KCNH8: variants seen among roughly 807,000 people sequenced by gnomAD.
The protein encoded by KCNH8 is voltage-gated delayed rectifier potassium channel KCNH8.
Under a neutral mutation model 103.6 loss-of-function variants are expected in KCNH8, and 70 were observed. The observed-to-expected ratio is 0.68, with a 90% CI of 0.56 to 0.82. The LOEUF (loss-of-function observed/expected upper bound fraction) is 0.82, where lower values mean the gene tolerates loss of function less well. Among genes scored for constraint, KCNH8 ranks in the 40% least tolerant of loss-of-function variants. The pLI is 0.00. For synonymous variants in KCNH8, 498 were observed against 489.4 expected (o/e 1.02, Z -0.23); for missense variants, 1,217 against 1,329.9 (o/e 0.92, Z 1.32).
chr3:19,286,411 A>G (rs1575496208), intron 3 of KCNH8, among the ~76,000 whole-genome samples: 2 of 152,348 alleles, frequency 1.3e-5, no homozygotes, highest in East Asian at 3.9e-4. Flanking sequence ...ACTGCTGACC[A>G]TGGGAACAGA....
At chr3:19,339,087 C>T (rs1047865232) in intron 3 of KCNH8, among the ~76,000 whole-genome samples, 1 of 152,230 alleles carries the variant, frequency 6.6e-6, no homozygotes, top group South Asian at 2.1e-4. Context: ...CCCAATCTTG[C>T]ATGAGGGTTC....
intron 7 of KCNH8, among the ~76,000 whole-genome samples, chr3:19,416,966 G>A (rs937525037): frequency 2.0e-5 from 3 of 151,878 alleles, no homozygotes; most frequent in Non-Finnish European, 4.4e-5. Flanking sequence ...GTGTTTGTAG[G>A]ATTTAAGAGT....
At chr3:19,479,254 T>G (rs2068039103) in intron 11 of KCNH8, among the ~76,000 whole-genome samples, 1 of 152,176 alleles carries the variant, frequency 6.6e-6, no homozygotes, top group African/African-American at 2.4e-5. Context: ...AGAGCTCAAT[T>G]ACTTAACTTG....
chr3:19,338,698 A>C (rs1429761094), intron 3 of KCNH8, among the ~76,000 whole-genome samples: 2 of 152,074 alleles, frequency 1.3e-5, no homozygotes, highest in African/African-American at 4.8e-5. Context: ...ACATTTCTCT[A>C]AACAATATAT....
chr3:19,288,401 C>A (rs1656057164), intron 3 of KCNH8, among the ~76,000 whole-genome samples: 1 of 151,140 alleles, frequency 6.6e-6, no homozygotes, highest in African/African-American at 2.4e-5. Flanking sequence ...CCACAACAGG[C>A]CCCAGTGTGT....
At chr3:19,512,413 C>G (rs1209632932) in intron 12 of KCNH8, among the ~76,000 whole-genome samples, 1 of 152,102 alleles carries the variant, frequency 6.6e-6, no homozygotes, top group African/African-American at 2.4e-5. Flanking sequence ...CTGGAAAGAA[C>G]AAGGAGAGCA....
At chr3:19,195,863 T>C (rs1386908230) in intron 1 of KCNH8, among the ~76,000 whole-genome samples, 1 of 151,986 alleles carries the variant, frequency 6.6e-6, no homozygotes, top group East Asian at 1.9e-4. Context: ...AGTCTTGTAA[T>C]TGGATTTTCC....
Position 19,221,544 on chromosome 3 carries a change from A to T in KCNH8, c.77-32110A>T, listed in dbSNP as rs116442539. Among the ~76,000 whole-genome samples the T allele has an allele frequency of 5.7e-3, 866 of 151,894 alleles. 6 individuals are homozygous for T. Among genetic ancestry groups the T allele is most frequent in the African/African-American group, 0.02 (820 of 41,464 alleles). ...TTTTTCTCATCTTAAATGAATGTTC[A>T]TCTTCACTCCTAATTTATTTGTTTT... On this transcript the variant is annotated intron_variant, in intron 1 of 15. Transcript: ENST00000328405.
intron 5 of KCNH8, among the ~76,000 whole-genome samples, chr3:19,354,521 A>G (rs1414623677): frequency 1.3e-5 from 2 of 152,188 alleles, no homozygotes; most frequent in African/African-American, 4.8e-5. Context: ...TGGTACTGGT[A>G]CCAAAACAGA....
rs376155986 is a variant in KCNH8 at position 19,355,857 on chromosome 3, A to G, written c.811+7892A>G. On this transcript the variant is annotated intron_variant, in intron 5 of 15. Coordinates refer to ENST00000328405, the MANE Select transcript of KCNH8 (RefSeq NM_144633.3). The stretch of plus-strand genomic sequence containing the variant: ...TGTAACAAACCTGCACATTATGCAC[A>G]TGTACCCTAGAACTTAAAGTATAAT... Among the ~76,000 whole-genome samples, 21 of 151,658 alleles carry G rather than the reference A, an allele frequency of 1.4e-4. No homozygotes were observed. In the South Asian group the frequency reaches 1.7e-3, roughly 12 times the overall value.
At chr3:19,167,240 A>T (rs1051497265) in intron 1 of KCNH8, among the ~76,000 whole-genome samples, 2 of 152,226 alleles carry the variant, frequency 1.3e-5, no homozygotes, top group African/African-American at 4.8e-5. Flanking sequence ...AAGTTGTATC[A>T]TATTGTTACC....
chr3:19,448,836 C>A, intron 8 of KCNH8: 2 of 398,992 alleles, frequency 5.0e-6, no homozygotes, highest in Non-Finnish European at 9.5e-6. Context: ...CTAATCCTGT[C>A]CCAGAATAAG....
chr3:19,278,717 G>T (rs1394459350), intron 2 of KCNH8, among the ~76,000 whole-genome samples: 3 of 152,128 alleles, frequency 2.0e-5, no homozygotes, highest in Non-Finnish European at 4.4e-5. Context: ...AAGATCCAAA[G>T]TAATGAAGTT....
intron 2 of KCNH8, among the ~76,000 whole-genome samples, chr3:19,276,001 C>G (rs2064665178): frequency 6.6e-6 from 1 of 151,996 alleles, no homozygotes; most frequent in Non-Finnish European, 1.5e-5. Context: ...AAAACAGTAG[C>G]AAATATAATA....
In KCNH8 at chr3:19,348,393, A is replaced by G. The variant is rs147650841; in HGVS notation, c.811+428A>G. Among the ~76,000 whole-genome samples, 65 of 152,212 alleles carry G rather than the reference A, an allele frequency of 4.3e-4. 1 individual carries two copies. Among genetic ancestry groups the G allele is most frequent in the East Asian group, 2.9e-3 (15 of 5,156 alleles). ...CCCTTTCAGCATGTTGATGGTTTCA[A>G]TAAATGACCTGGTTGCAGAAACAAA... is the stretch of plus-strand genomic sequence containing the variant. On this transcript the variant is annotated intron_variant, in intron 5 of 15. Coordinates refer to ENST00000328405, the MANE Select transcript of KCNH8 (RefSeq NM_144633.3).
intron 5 of KCNH8, among the ~76,000 whole-genome samples, chr3:19,384,513 A>G (rs1317693358): frequency 3.9e-5 from 6 of 152,342 alleles, no homozygotes; most frequent in African/African-American, 7.2e-5. Flanking sequence ...TAAGTTGGCA[A>G]AAGTTCACTT....
At chr3:19,281,157 G>A in intron 2 of KCNH8, 41 bp from the exon 3 acceptor site, 1 of 1,595,530 alleles carries the variant, frequency 6.3e-7, no homozygotes, top group Non-Finnish European at 8.5e-7. Context: ...GATAACACAA[G>A]GCAATGGTTG....
intron 1 of KCNH8, among the ~76,000 whole-genome samples, chr3:19,215,969 T>TA (rs1293805587): frequency 5.4e-4 from 83 of 152,340 alleles, no homozygotes; most frequent in African/African-American, 1.8e-3. Flanking sequence ...AATGTGCCTT[T>TA]GAAGGCAGCT....
chr3:19,367,988 A>G (rs1390106751), intron 5 of KCNH8, among the ~76,000 whole-genome samples: 2 of 152,016 alleles, frequency 1.3e-5, no homozygotes, highest in African/African-American at 4.8e-5. Context: ...CTGGATAACA[A>G]CCCTAAAAGG....
Sources: allele counts gnomAD v4.1 joint callset (sites outside exome capture counted in the v4.1 genomes callset), GRCh38; gene constraint gnomAD v4.1.1; transcripts MANE v1.5; gene names NCBI Gene and HGNC (gene_info 2026-07-23, HGNC 2026-07-21).